The following ARAP2 variants were observed in gnomAD, a reference collection of about 807,000 sequenced individuals.
The protein encoded by ARAP2 is arf-GAP with Rho-GAP domain, ANK repeat and PH domain-containing protein 2.
ARAP2 carries 148 observed loss-of-function variants against 194.5 expected under a neutral mutation model. The observed-to-expected ratio is 0.76, with a 90% CI of 0.67 to 0.87. The LOEUF is 0.87. ARAP2 is among the 40% of genes least tolerant of loss of function. ARAP2 has a pLI of 0.00. For synonymous variants in ARAP2, 695 were observed against 683.5 expected (o/e 1.02, Z -0.26); for missense variants, 2,128 against 1,989.7 (o/e 1.07, Z -1.32).
At chr4:36,155,292 C>T (rs1731987992) in intron 15 of ARAP2, among the ~76,000 whole-genome samples, 1 of 152,218 alleles carries the variant, frequency 6.6e-6, no homozygotes, top group Non-Finnish European at 1.5e-5. Flanking sequence ...ACAGGATCAT[C>T]TCCATGTGAT....
At position 36,244,290 on chromosome 4, in the gene ARAP2, G is replaced by T. The variant is rs533432862; in HGVS notation, c.-271C>A. ...CGGTCCTCGCCCCTCTGCCGGAGGC[G>T]CCAGGCCTCCTCTTTCCCGGTCCCC... On this transcript the variant is annotated 5_prime_UTR_variant, in exon 1 of 33. Transcript: ENST00000303965. 6.6e-6 allele frequency: 1 copy of T among 151,884 alleles called. No homozygotes were observed. The highest frequency in any genetic ancestry group is 6.5e-5 in the Admixed American group (1 of 15,270). The allele number at this position is 151,884 out of a possible 1,614,324, so 9.4% of individuals were successfully genotyped here. A position where few individuals can be genotyped will look rare whatever the true frequency, so the allele number is the denominator to read the frequency against.
At chr4:36,086,686 C>T (rs1687767158) in intron 28 of ARAP2, among the ~76,000 whole-genome samples, 1 of 152,052 alleles carries the variant, frequency 6.6e-6, no homozygotes, top group African/African-American at 2.4e-5. Flanking sequence ...CACTCCATTT[C>T]AAAGTGAAGT....
chr4:36,200,910 A>G (rs534938847), intron 6 of ARAP2, among the ~76,000 whole-genome samples: 1 of 152,334 alleles, frequency 6.6e-6, no homozygotes, highest in East Asian at 1.9e-4. Context: ...TTGCTTCACA[A>G]ATTTTAAAAA....
intron 6 of ARAP2, among the ~76,000 whole-genome samples, chr4:36,208,049 C>G (rs951510580): frequency 5.3e-5 from 8 of 152,198 alleles, no homozygotes; most frequent in African/African-American, 1.9e-4. Flanking sequence ...AATGCTGATG[C>G]CTGTCCCCAC....
At chr4:36,207,960 A>G (rs1745920576) in intron 6 of ARAP2, among the ~76,000 whole-genome samples, 1 of 152,222 alleles carries the variant, frequency 6.6e-6, no homozygotes, top group Non-Finnish European at 1.5e-5. Context: ...TTTTTCACAG[A>G]TTCGTTCCAC....
In ARAP2 at chr4:36,156,443, GAGAAAGAAAGAAAGAAAGA is replaced by G. The variant is rs1560550164; in HGVS notation, c.2752+2268_2752+2286del. ...AGAAAGAAAGAAAGAAAGAAAGAAAGAGAAAGAAAGAAAGAAAGAAAGAAATGAAAGAGAAGAAAGAAAG... is the reference window on the plus strand; with the variant it reads ...AGAAAGAAAGAAAGAAAGAAAGAAAGAAGAAATGAAAGAGAAGAAAGAAAG... On this transcript the variant is annotated intron_variant, in intron 15 of 32. Transcript: ENST00000303965. Among the ~76,000 whole-genome samples, 10 of 16,250 alleles carry G rather than the reference GAGAAAGAAAGAAAGAAAGA, an allele frequency of 6.2e-4. 2 individuals are homozygous for G. The highest frequency in any genetic ancestry group is 3.4e-3 in the South Asian group (1 of 290). 10.7% of individuals were successfully genotyped at this position (16,250 alleles called of 152,430 possible).
chr4:36,076,234 G>A (rs1728224414), intron 31 of ARAP2, among the ~76,000 whole-genome samples: 1 of 152,062 alleles, frequency 6.6e-6, no homozygotes, highest in Non-Finnish European at 1.5e-5. Flanking sequence ...GCTGTATGAT[G>A]ATTTTTAATA....
chr4:36,174,333 A>C (rs916380402), intron 9 of ARAP2, among the ~76,000 whole-genome samples: 4 of 152,226 alleles, frequency 2.6e-5, no homozygotes, highest in African/African-American at 9.6e-5. Flanking sequence ...TTAAAGCAGA[A>C]TGCAGTTGTG....
intron 27 of ARAP2, among the ~76,000 whole-genome samples, chr4:36,101,397 T>G (rs28573909): frequency 1.1e-4 from 1 of 9,226 alleles, no homozygotes; most frequent in Non-Finnish European, 1.1e-3. Flanking sequence ...AGTACCAGAG[T>G]TTTTTTTTTT....
intron 28 of ARAP2, among the ~76,000 whole-genome samples, chr4:36,083,717 A>C (rs910381740): frequency 6.6e-6 from 1 of 152,102 alleles, no homozygotes; most frequent in Non-Finnish European, 1.5e-5. Flanking sequence ...ATGGCTCTAT[A>C]ATTCTTGATT....
rs77602992 is a variant in ARAP2 at position 36,086,050 on chromosome 4, A to G, written c.4426-2600T>C. Among the ~76,000 whole-genome samples the G allele has an allele frequency of 7.5e-3, 1,148 of 152,140 alleles. 17 individuals carry two copies. Among genetic ancestry groups the G allele is most frequent in the African/African-American group, 0.026 (1,086 of 41,534 alleles). ...TATATTCAAGGAGAAGAGAGCTATC[A>G]GGAATGTATGCAGTATAGGTGACTC... is the stretch of plus-strand genomic sequence containing the variant. On this transcript the variant is annotated intron_variant, in intron 28 of 32. Coordinates refer to ENST00000303965, the MANE Select transcript of ARAP2 (RefSeq NM_015230.4).
Position 36,229,014 on chromosome 4 carries a change from T to C in ARAP2, c.473A>G (p.Glu158Gly). ...PPKRDFPTAE[E>G]PHLNLGSLND... is the part of the protein sequence containing the mutation. Reference sequence around the variant, plus strand: ...CAAAGAACCCAAATTCAGGTGTGGTTCCTCTGCAGTGGGGAAGTCGCGTTT... The same window carrying C: ...CAAAGAACCCAAATTCAGGTGTGGTCCCTCTGCAGTGGGGAAGTCGCGTTT... The change falls in exon 2 of 33, where the codon GAA becomes GGA. Residue 158 changes from glutamate (E) to glycine (G), a missense_variant. Transcript: ENST00000303965. 1 of 1,614,144 alleles carries C rather than the reference T, an allele frequency of 6.2e-7. No homozygotes were observed. Among genetic ancestry groups the C allele is most frequent in the Non-Finnish European group, 8.5e-7 (1 of 1,180,012 alleles).
chr4:36,084,971 G>C (rs989081361), intron 28 of ARAP2, among the ~76,000 whole-genome samples: 1 of 152,018 alleles, frequency 6.6e-6, no homozygotes, highest in East Asian at 1.9e-4. Flanking sequence ...TTATCTACAC[G>C]GATAGGGTAC....
rs1423045831 is a variant in ARAP2, at chr4:36,166,925, A to G, written c.1973+7T>C. ...GTACGAACACAAAATGTTTAAAAAT[A>G]GCTTACCTGAAACTCCTGTAGGGAG... On this transcript the variant is annotated splice_region_variant and intron_variant, in intron 10 of 32. Transcript: ENST00000303965. 2.6e-6 allele frequency: 4 copies of G among 1,547,332 alleles called. No individual in the cohort carries two copies. The South Asian group carries it at 4.8e-5, about 19-fold the overall frequency.
chr4:36,240,075 T>A (rs1753229971), intron 1 of ARAP2, among the ~76,000 whole-genome samples: 1 of 152,230 alleles, frequency 6.6e-6, no homozygotes, highest in South Asian at 2.1e-4. Flanking sequence ...CCCTGAAGCT[T>A]GTTTTTCTCA....
rs531421442 is a variant in ARAP2, at chr4:36,189,676, C to T, written c.1558-2105G>A. The stretch of plus-strand genomic sequence containing the variant: ...AATATGGGCTGTTTAACTTTCTGTT[C>T]CTGCCGTATTTCACTTAATATAATG... On this transcript the variant is annotated intron_variant, in intron 7 of 32. Transcript: ENST00000303965. 3.3e-5 allele frequency among the ~76,000 whole-genome samples: 5 copies of T among 152,242 alleles called. No individual in the cohort carries two copies. In the East Asian group the frequency reaches 9.7e-4, roughly 29 times the overall value.
intron 7 of ARAP2, among the ~76,000 whole-genome samples, chr4:36,193,031 TA>T (rs369710175): frequency 1.1e-4 from 17 of 152,136 alleles, no homozygotes; most frequent in Admixed American, 5.9e-4. Context: ...TTTTCAAAAA[TA>T]TTCATCCAAC....
At chr4:36,222,187 G>A (rs1033811181) in intron 2 of ARAP2, among the ~76,000 whole-genome samples, 2 of 152,068 alleles carry the variant, frequency 1.3e-5, no homozygotes, top group Non-Finnish European at 2.9e-5. Flanking sequence ...TTTATTAAAG[G>A]GGGGAAAATC....
chr4:36,113,739 T>C (rs1720614917), intron 26 of ARAP2, among the ~76,000 whole-genome samples: 1 of 151,702 alleles, frequency 6.6e-6, no homozygotes, highest in African/African-American at 2.4e-5. Flanking sequence ...GACAACAAAA[T>C]ATGTGATTCA....
Sources: gnomAD v4.1 joint callset for allele counts (sites outside exome capture counted in the v4.1 genomes callset) on GRCh38, gnomAD v4.1.1 for gene constraint, MANE v1.5 for transcripts, NCBI Gene and HGNC (gene_info 2026-07-23, HGNC 2026-07-21) for gene names.